Variants in UVRAG observed in about 807,000 individuals in gnomAD.
UVRAG encodes UV radiation resistance-associated gene protein.
In UVRAG, 19 loss-of-function variants were observed where a neutral mutation model predicts 78.0. The ratio of observed to expected loss-of-function variants is 0.24; its 90% CI spans 0.17 to 0.36. UVRAG has a LOEUF of 0.36. UVRAG is among the 10% of genes least tolerant of loss of function. The probability of loss-of-function intolerance (pLI) is 1.00; values close to 1 mark genes in which losing one functional copy is unlikely to be tolerated. For synonymous variants in UVRAG, 323 were observed against 324.6 expected (o/e 1.00, Z 0.05); for missense variants, 740 against 853.8 (o/e 0.87, Z 1.66).
chr11:75,891,441 TATAATA>T (rs1346772047), intron 5 of UVRAG, among the ~76,000 whole-genome samples: 6 of 152,188 alleles, frequency 3.9e-5, no homozygotes, highest in Non-Finnish European at 8.8e-5. Context: ...ATCTGGCACA[TATAATA>T]ATAATATTAA....
chr11:76,007,694 A>AGTTTTTTCATTGAG, intron 10 of UVRAG, 73 bp downstream of exon 10: 1 of 1,190,266 alleles, frequency 8.4e-7, no homozygotes, highest in Non-Finnish European at 1.2e-6. Flanking sequence ...CCTCTCAATG[A>AGTTTTTTCATTGAG]AAAAACTCAT....
intron 6 of UVRAG, among the ~76,000 whole-genome samples, chr11:75,929,614 C>T (rs1214650514): frequency 1.3e-5 from 2 of 151,952 alleles, no homozygotes; most frequent in Non-Finnish European, 2.9e-5. Context: ...AAATGAAGCC[C>T]GTTGTCATCT....
intron 12 of UVRAG, among the ~76,000 whole-genome samples, chr11:76,023,429 G>A (rs186189961): frequency 6.6e-4 from 101 of 152,134 alleles, no homozygotes; most frequent in Admixed American, 6.6e-3. Context: ...TCTGTTTTAT[G>A]TCTGAACTGT....
At chr11:75,890,181 G>T (rs768236355) in intron 5 of UVRAG, among the ~76,000 whole-genome samples, 49 of 152,172 alleles carry the variant, frequency 3.2e-4, no homozygotes, top group Non-Finnish European at 5.0e-4. Flanking sequence ...TAAGAACAGG[G>T]GTCTTTGTGA....
chr11:76,110,822 G>GT (rs1256454262), intron 13 of UVRAG, among the ~76,000 whole-genome samples: 2 of 151,992 alleles, frequency 1.3e-5, no homozygotes, highest in Non-Finnish European at 2.9e-5. Flanking sequence ...TGAAAAGCTG[G>GT]TTTTTTATAT....
intron 12 of UVRAG, among the ~76,000 whole-genome samples, chr11:76,028,487 G>A (rs938630835): frequency 1.4e-4 from 22 of 152,308 alleles, no homozygotes; most frequent in Middle Eastern, 3.4e-3. Flanking sequence ...TAGGCCTCTT[G>A]TGTGAAAGAG....
intron 11 of UVRAG, among the ~76,000 whole-genome samples, chr11:76,015,998 G>C (rs184084479): frequency 6.6e-6 from 1 of 152,102 alleles, no homozygotes; most frequent in African/African-American, 2.4e-5. Flanking sequence ...CTTCCTCTTG[G>C]GGGAAGTTTA....
intron 6 of UVRAG, among the ~76,000 whole-genome samples, chr11:75,940,062 A>C (rs1397036399): frequency 6.6e-6 from 1 of 152,184 alleles, no homozygotes; most frequent in African/African-American, 2.4e-5. Context: ...CAACTTTTAA[A>C]CTTTCTAATT....
At chr11:75,912,894 C>A (rs1358247072) in intron 6 of UVRAG, among the ~76,000 whole-genome samples, 2 of 152,234 alleles carry the variant, frequency 1.3e-5, no homozygotes, top group Non-Finnish European at 2.9e-5. Context: ...AGTTTGGTCA[C>A]ATGGACTGTG....
intron 12 of UVRAG, among the ~76,000 whole-genome samples, chr11:76,040,314 A>G (rs1950620767): frequency 6.6e-6 from 1 of 151,884 alleles, no homozygotes; most frequent in African/African-American, 2.4e-5. Context: ...TCTACTAAAA[A>G]TACAAAAAAT....
chr11:76,097,359 G>T (rs968101126), intron 13 of UVRAG, among the ~76,000 whole-genome samples: 1 of 151,996 alleles, frequency 6.6e-6, no homozygotes, highest in Admixed American at 6.6e-5. Context: ...ACGTTCTCTC[G>T]TGCTTCTGGG....
chr11:76,071,233 A>T (rs1006126190), intron 13 of UVRAG, among the ~76,000 whole-genome samples: 4 of 152,224 alleles, frequency 2.6e-5, no homozygotes, highest in African/African-American at 9.6e-5. Flanking sequence ...AATAACCCTT[A>T]TTGAGGAAGT....
At chr11:75,865,617 T>G (rs1486690545) in intron 3 of UVRAG, among the ~76,000 whole-genome samples, 2 of 152,026 alleles carry the variant, frequency 1.3e-5, no homozygotes, top group African/African-American at 2.4e-5. Context: ...TGAAAAGCTT[T>G]CTTTTTTTTT....
At chr11:75,948,849 A>G (rs1438150849) in intron 6 of UVRAG, among the ~76,000 whole-genome samples, 1 of 152,200 alleles carries the variant, frequency 6.6e-6, no homozygotes, top group Non-Finnish European at 1.5e-5. Context: ...TACTAGATGC[A>G]TTAGCACGAA....
intron 5 of UVRAG, among the ~76,000 whole-genome samples, chr11:75,895,193 ATTC>A (rs1183567416): frequency 6.6e-6 from 1 of 152,166 alleles, no homozygotes; most frequent in African/African-American, 2.4e-5. Flanking sequence ...GTTCTTTGGC[ATTC>A]TTCTTTTTTA....
At chr11:75,823,175 A>G (rs968237796) in intron 1 of UVRAG, among the ~76,000 whole-genome samples, 1 of 152,212 alleles carries the variant, frequency 6.6e-6, no homozygotes, top group African/African-American at 2.4e-5. Context: ...AACTGTGTAC[A>G]AAGACCAAAG....
At chr11:75,885,369 C>T (rs1947052959) in intron 4 of UVRAG, among the ~76,000 whole-genome samples, 2 of 152,070 alleles carry the variant, frequency 1.3e-5, no homozygotes, top group Admixed American at 6.5e-5. Context: ...TATACCTCTT[C>T]AGTGTTTGGG....
At chr11:76,104,937 G>A (rs1245948490) in intron 13 of UVRAG, among the ~76,000 whole-genome samples, 1 of 152,056 alleles carries the variant, frequency 6.6e-6, no homozygotes, top group Non-Finnish European at 1.5e-5. Flanking sequence ...TTTCATTTGT[G>A]TTTTCCATAC....
intron 12 of UVRAG, among the ~76,000 whole-genome samples, chr11:76,060,405 G>A (rs766146108): frequency 1.2e-4 from 19 of 152,316 alleles, no homozygotes; most frequent in Non-Finnish European, 2.4e-4. Context: ...GGGTGACAGC[G>A]TGCTGACAGC....
Sources: allele counts gnomAD v4.1 joint callset (sites outside exome capture counted in the v4.1 genomes callset), GRCh38; gene constraint gnomAD v4.1.1; transcripts MANE v1.5; gene names NCBI Gene and HGNC (gene_info 2026-07-23, HGNC 2026-07-21).